Variants in STARD8 observed in about 807,000 individuals in gnomAD.
STARD8 encodes StAR related lipid transfer domain containing 8.
A neutral mutation model predicts 69.4 loss-of-function variants in STARD8; 25 were observed. That is an observed-to-expected ratio of 0.36 (90% CI 0.26 to 0.50). The LOEUF is 0.50. Ranked by LOEUF, STARD8 falls within the 20% of genes least tolerant of loss-of-function variation. STARD8 has a pLI of 0.96. For missense variants in STARD8, 921 were observed against 932.5 expected (o/e 0.99, Z 0.16); for synonymous variants, 389 against 374.6 (o/e 1.04, Z -0.45).
At position 68,656,913 on chromosome X, in the gene STARD8, G is replaced by C. The variant is rs1410290186; in HGVS notation, c.46-8586G>C. ...AGGAGATATACCTAATGTAAATGAT[G>C]AGTTAATGGGTGCAGCACACCAACA... On this transcript the variant is annotated intron_variant, in intron 1 of 14. Transcript: ENST00000374599. 2.7e-5 allele frequency among the ~76,000 whole-genome samples: 3 copies of C among 111,183 alleles called. No homozygotes were observed. In the East Asian group the frequency reaches 8.4e-4, roughly 31 times the overall value.
chrX:68,719,111 C>T (rs768389457), intron 6 of STARD8, 114 bp from the exon 7 acceptor site: 52 of 923,262 alleles, frequency 5.6e-5, no homozygotes, highest in Non-Finnish European at 2.1e-5. Flanking sequence ...GTGTTCCCAG[C>T]TCCCTGCATT....
chrX:68,722,351 G>A lies in STARD8; in HGVS notation c.2575-71G>A, dbSNP rs867460002. ...GCTGCACCTCTCCACTGCCCTTAAC[G>A]TGAACCTGACAGACCCCATGGGGTC... On this transcript the variant is annotated intron_variant, in intron 11 of 14. Coordinates refer to ENST00000374599, the MANE Select transcript of STARD8 (RefSeq NM_001142503.3). 32 of 1,016,301 alleles carry A rather than the reference G, an allele frequency of 3.1e-5. No individual in the cohort carries two copies. The Middle Eastern group carries it at 4.8e-3, about 153-fold the overall frequency. 83.8% of individuals were successfully genotyped at this position (1,016,301 alleles called of 1,213,427 possible).
In STARD8 at chrX:68,718,547, G is replaced by A. The variant is rs769219101; in HGVS notation, c.1633G>A (p.Gly545Arg). Residue 545 changes from glycine to arginine, a missense_variant, in exon 6 of 15, where the codon GGG (glycine) becomes AGG (arginine). Physicochemically the swap from Gly to Arg is moderately radical, Grantham distance 125. Coordinates refer to ENST00000374599, the MANE Select transcript of STARD8 (RefSeq NM_001142503.3). ...CTCCATGAATGAGGCTGAGGCTGCG[G>A]GGCCCCTGGCTGGACTCCAGGCATC... ...GNSMNEAEAA[G>R]PLAGLQASMP... is the part of the protein sequence containing the mutation. 4.1e-6 allele frequency: 5 copies of A among 1,210,847 alleles called. No individual in the cohort carries two copies. The South Asian group carries it at 8.8e-5, about 21-fold the overall frequency.
At chrX:68,723,495 C>T (rs1242399699) in intron 12 of STARD8, 131 bp from the exon 13 acceptor site, 22 of 550,860 alleles carry the variant, frequency 4.0e-5, no homozygotes, top group Non-Finnish European at 5.4e-5. Flanking sequence ...GTCTGGCCAG[C>T]GCTAGCAGAG....
chrX:68,653,232 CCACA>C (rs1445463495), intron 1 of STARD8, among the ~76,000 whole-genome samples: 2 of 62,409 alleles, frequency 3.2e-5, no homozygotes, highest in South Asian at 9.5e-4. Flanking sequence ...ACACACCACA[CCACA>C]CACACACACC....
chrX:68,699,634 C>T (rs957061111), intron 2 of STARD8, among the ~76,000 whole-genome samples: 3 of 111,459 alleles, frequency 2.7e-5, no homozygotes, highest in Non-Finnish European at 3.8e-5. Context: ...AGCCCCCTTC[C>T]CAGCCTCATC....
intron 2 of STARD8, among the ~76,000 whole-genome samples, chrX:68,666,361 C>G (rs746487714): frequency 6.2e-5 from 7 of 112,188 alleles, no homozygotes; most frequent in Non-Finnish European, 1.1e-4. Context: ...GAGCTCATGA[C>G]TTGAATGAGC....
rs2079801364 is a variant in STARD8 at position 68,681,616 on chromosome X, C to T, written c.79+16084C>T. On this transcript the variant is annotated intron_variant, in intron 2 of 14. Transcript: ENST00000374599. Reference sequence around the variant, plus strand: ...GATATCTAAGCCCTTCTCTTTTTTCCATATGAACCTCTGAATTGCAGAGGC... The same window carrying T: ...GATATCTAAGCCCTTCTCTTTTTTCTATATGAACCTCTGAATTGCAGAGGC... Among the ~76,000 whole-genome samples the T allele has an allele frequency of 2.7e-5, 3 of 112,698 alleles. No individual in the cohort carries two copies. The South Asian group carries it at 1.1e-3, about 41-fold the overall frequency.
intron 1 of STARD8, among the ~76,000 whole-genome samples, chrX:68,662,069 G>A (rs777181419): frequency 1.4e-4 from 15 of 105,052 alleles, no homozygotes; most frequent in Non-Finnish European, 3.9e-5. Flanking sequence ...GTGCCATGGC[G>A]TGATCTCAGC....
intron 3 of STARD8, among the ~76,000 whole-genome samples, chrX:68,714,842 G>A (rs750039010): frequency 1.8e-5 from 2 of 111,407 alleles, no homozygotes; most frequent in Non-Finnish European, 3.8e-5. Flanking sequence ...AAGTCCCAGG[G>A]AGTGTGCTCT....
chrX:68,665,555 G>A, intron 2 of STARD8, 23 bp downstream of exon 2: 1 of 1,203,461 alleles, frequency 8.3e-7, no homozygotes, highest in Non-Finnish European at 1.1e-6. Flanking sequence ...GGTGGGCATT[G>A]CAAGTGGCAT....
intron 2 of STARD8, among the ~76,000 whole-genome samples, chrX:68,675,268 A>G (rs1403223689): frequency 2.7e-5 from 3 of 110,278 alleles, no homozygotes; most frequent in Non-Finnish European, 5.7e-5. Context: ...TAATTTTTGT[A>G]TTTTTAGTAG....
At chrX:68,707,750 C>G (rs1445816074) in intron 2 of STARD8, among the ~76,000 whole-genome samples, 1 of 111,514 alleles carries the variant, frequency 9.0e-6, no homozygotes, top group Non-Finnish European at 1.9e-5. Context: ...ATCTTCCCGC[C>G]TGGTCCCCAT....
Position 68,717,873 on chromosome X carries a change from G to A in STARD8, c.959G>A (p.Cys320Tyr), listed in dbSNP as rs2147934048. The change falls in exon 6 of 15, where the codon TGT becomes TAT. Residue 320 changes from cysteine (C) to tyrosine (Y), a missense_variant. By Grantham distance (194) the Cys-to-Tyr change is radical (BLOSUM62 -2). Coordinates refer to ENST00000374599, the MANE Select transcript of STARD8 (RefSeq NM_001142503.3). ...CGCTCCCTGTCCATTGAGAGCCTGT[G>A]TCCTGAGGATGGACACCGCCTGGCA... ...FPRSLSIESL[C>Y]PEDGHRLADW... 1.7e-6 allele frequency: 2 copies of A among 1,210,001 alleles called. No individual in the cohort carries two copies. The highest frequency in any genetic ancestry group is 2.2e-6 in the Non-Finnish European group (2 of 894,570).
intron 2 of STARD8, among the ~76,000 whole-genome samples, chrX:68,681,258 G>A (rs969533562): frequency 1.8e-5 from 2 of 111,739 alleles, no homozygotes; most frequent in African/African-American, 3.3e-5. Flanking sequence ...CTGATGGAAA[G>A]CTGCCGTACG....
At chrX:68,721,957 G>A in intron 10 of STARD8, 90 bp from the exon 11 acceptor site, 1 of 925,275 alleles carries the variant, frequency 1.1e-6, no homozygotes, top group South Asian at 2.4e-5. Flanking sequence ...TTGGCAAAGT[G>A]GCTTCCTGGC....
chrX:68,698,388 G>C (rs2079939202), intron 2 of STARD8, among the ~76,000 whole-genome samples: 2 of 111,670 alleles, frequency 1.8e-5, no homozygotes, highest in Admixed American at 1.9e-4. Flanking sequence ...CCGATGCTGG[G>C]TATGGGGTGA....
At position 68,717,497 on chromosome X, in the gene STARD8, G is replaced by C. The variant is rs1444029865; in HGVS notation, c.583G>C (p.Gly195Arg). Residue 195 changes from glycine (G) to arginine (R), a missense_variant, in exon 6 of 15, where the codon GGT (glycine) becomes CGT (arginine). Transcript: ENST00000374599. ...CCTCAGCCCCACCCAGGGCCAGGAG[G>C]GTCCCCAGGACAAAGCCAAGAAGCG... ...PLLSPTQGQEGPQDKAKKRHR... is the reference protein window; with the variant it reads ...PLLSPTQGQERPQDKAKKRHR... The C allele has an allele frequency of 8.3e-7, 1 of 1,208,682 alleles. No individual in the cohort carries two copies. Among genetic ancestry groups the C allele is most frequent in the Non-Finnish European group, 1.1e-6 (1 of 895,179 alleles).
At chrX:68,682,513 A>G (rs183332839) in intron 2 of STARD8, among the ~76,000 whole-genome samples, 6 of 112,464 alleles carry the variant, frequency 5.3e-5, no homozygotes, top group African/African-American at 1.9e-4. Context: ...ACCTTATGCT[A>G]TTCATAGGAG....
Sources: gnomAD v4.1 joint callset for allele counts (sites outside exome capture counted in the v4.1 genomes callset) on GRCh38, gnomAD v4.1.1 for gene constraint, MANE v1.5 for transcripts, NCBI Gene and HGNC (gene_info 2026-07-23, HGNC 2026-07-21) for gene names.